Variants in RUNX1T1 observed in about 807,000 individuals in gnomAD.
RUNX1T1 encodes protein CBFA2T1.
A neutral mutation model predicts 62.8 loss-of-function variants in RUNX1T1; 4 were observed. The ratio of observed to expected loss-of-function variants is 0.06; its 90% confidence interval spans 0.03 to 0.15. The LOEUF (loss-of-function observed/expected upper bound fraction) is 0.15, where lower values mean the gene tolerates loss of function less well. Ranked by LOEUF, RUNX1T1 falls within the 10% of genes least tolerant of loss-of-function variation. RUNX1T1 has a pLI of 1.00. For synonymous variants in RUNX1T1, 291 were observed against 286.0 expected (o/e 1.02, Z -0.18); for missense variants, 508 against 754.3 (o/e 0.67, Z 3.82).
At chr8:92,026,043 CAA>C (rs1348062698) in intron 1 of RUNX1T1, among the ~76,000 whole-genome samples, 2 of 152,172 alleles carry the variant, frequency 1.3e-5, no homozygotes, top group East Asian at 1.9e-4. Context: ...ACATTCAAAA[CAA>C]AGAGAAAAGC....
exon 2 of RUNX1T1, chr8:92,076,119 G>A: frequency 1.9e-6 from 3 of 1,552,428 alleles, no homozygotes; most frequent in Non-Finnish European, 2.6e-6. Flanking sequence ...ATGTTCACCA[G>A]CCCAGAGATC....
Position 91,987,677 on chromosome 8 carries a change from C to T in RUNX1T1, c.911-705G>A, listed in dbSNP as rs76617643. 4.8e-3 allele frequency among the ~76,000 whole-genome samples: 736 copies of T among 152,154 alleles called. 49 individuals carry two copies. In the East Asian group the frequency reaches 0.12, roughly 26 times the overall value. On this transcript the variant is annotated intron_variant, in intron 6 of 10. Coordinates refer to ENST00000396218, the Ensembl canonical transcript of RUNX1T1. ...ATTTGAAGTCCATGAAAAAGTAATA[C>T]ATAAGTGTTTACCAAGTGAGCACCA...
chr8:91,987,368 C>CT (rs1037757633), intron 6 of RUNX1T1, among the ~76,000 whole-genome samples: 1 of 152,076 alleles, frequency 6.6e-6, no homozygotes. Flanking sequence ...ATAAAGACAG[C>CT]ATAAGTCATT....
At chr8:92,028,853 C>T (rs1026743017) in intron 1 of RUNX1T1, among the ~76,000 whole-genome samples, 1 of 152,044 alleles carries the variant, frequency 6.6e-6, no homozygotes, top group Non-Finnish European at 1.5e-5. Context: ...AACTGTAGTT[C>T]ATTCTGGAAA....
chr8:92,036,937 T>C (rs527815101), intron 1 of RUNX1T1, among the ~76,000 whole-genome samples: 3 of 152,210 alleles, frequency 2.0e-5, no homozygotes, highest in Non-Finnish European at 4.4e-5. Context: ...GTGACACCCA[T>C]CTAGGCTCAA....
intron 1 of RUNX1T1, among the ~76,000 whole-genome samples, chr8:92,017,898 A>T (rs768389015): frequency 6.4e-4 from 97 of 152,242 alleles, no homozygotes; most frequent in Non-Finnish European, 1.1e-3. Context: ...TCGCATTTCA[A>T]TTTTTCCTGC....
At chr8:92,010,774 AG>A (rs1821771327) in intron 4 of RUNX1T1, 1 of 394,150 alleles carries the variant, frequency 2.5e-6, no homozygotes, top group Non-Finnish European at 4.5e-6. Context: ...TTATTCAAAG[AG>A]ACTTCTAAAC....
At chr8:92,000,233 G>A (rs971306086) in intron 5 of RUNX1T1, among the ~76,000 whole-genome samples, 6 of 152,096 alleles carry the variant, frequency 3.9e-5, no homozygotes, top group Non-Finnish European at 8.8e-5. Flanking sequence ...TTGAACCCAG[G>A]AGGTGGAGGT....
chr8:92,051,453 T>C (rs1265247402), intron 1 of RUNX1T1, among the ~76,000 whole-genome samples: 1 of 152,054 alleles, frequency 6.6e-6, no homozygotes, highest in Admixed American at 6.6e-5. Context: ...AAAAATTATA[T>C]ACCAACATAA....
chr8:92,056,816 T>C (rs1273807301), intron 1 of RUNX1T1, among the ~76,000 whole-genome samples: 1 of 152,136 alleles, frequency 6.6e-6, no homozygotes, highest in Non-Finnish European at 1.5e-5. Flanking sequence ...AGGTGTTGAA[T>C]ATATTATTTG....
At chr8:92,096,048 C>A (rs191500088) in intron 1 of RUNX1T1, among the ~76,000 whole-genome samples, 1 of 152,288 alleles carries the variant, frequency 6.6e-6, no homozygotes, top group Non-Finnish European at 1.5e-5. Flanking sequence ...GTTCTTGTCC[C>A]TTTCTTTGCT....
chr8:92,036,435 C>T (rs1827427993), intron 1 of RUNX1T1, among the ~76,000 whole-genome samples: 1 of 152,170 alleles, frequency 6.6e-6, no homozygotes, highest in Non-Finnish European at 1.5e-5. Context: ...ATCACTAGTA[C>T]TTCCCTAAAA....
intron 1 of RUNX1T1, among the ~76,000 whole-genome samples, chr8:92,077,326 A>G (rs1834575025): frequency 1.3e-5 from 2 of 152,150 alleles, no homozygotes; most frequent in Non-Finnish European, 2.9e-5. Context: ...TTAGCTTACT[A>G]TAAATACTAA....
chr8:92,037,057 T>G (rs945421530), intron 1 of RUNX1T1, among the ~76,000 whole-genome samples: 1 of 152,224 alleles, frequency 6.6e-6, no homozygotes, highest in African/African-American at 2.4e-5. Flanking sequence ...CAACTTCATA[T>G]ACATACCTAC....
At chr8:91,956,133 T>C (rs1204920635), downstream of RUNX1T1, 1 of 230,102 alleles carries the variant, frequency 4.3e-6, no homozygotes. Flanking sequence ...AGCAGAGTGA[T>C]CCAGATTTAG....
At chr8:91,993,078 A>C (rs1483639838) in intron 5 of RUNX1T1, among the ~76,000 whole-genome samples, 1 of 152,160 alleles carries the variant, frequency 6.6e-6, no homozygotes, top group East Asian at 1.9e-4. Flanking sequence ...TTTCCCAGGG[A>C]CGTTTTCTCA....
chr8:92,068,691 G>A (rs1377923511), intron 2 of RUNX1T1, among the ~76,000 whole-genome samples: 2 of 152,140 alleles, frequency 1.3e-5, no homozygotes, highest in African/African-American at 2.4e-5. Context: ...ACAGAGCTGT[G>A]AGAGACTGCA....
chr8:92,071,797 C>G (rs554367229), intron 2 of RUNX1T1, among the ~76,000 whole-genome samples: 1 of 152,252 alleles, frequency 6.6e-6, no homozygotes, highest in South Asian at 2.1e-4. Context: ...ATGAGCCTGA[C>G]CCCGAAGCTG....
chr8:92,009,160 TA>T (rs1434046537), intron 4 of RUNX1T1, among the ~76,000 whole-genome samples: 2 of 152,206 alleles, frequency 1.3e-5, no homozygotes, highest in African/African-American at 4.8e-5. Flanking sequence ...TCTTCCAATT[TA>T]AAAAATATGG....
Sources: allele counts gnomAD v4.1 joint callset (sites outside exome capture counted in the v4.1 genomes callset), GRCh38; gene constraint gnomAD v4.1.1; transcripts MANE v1.5; gene names NCBI Gene and HGNC (gene_info 2026-07-23, HGNC 2026-07-21).